STK39: variants seen among roughly 807,000 people sequenced by gnomAD.
STK39 encodes serine/threonine kinase 39.
Under a neutral mutation model 77.8 loss-of-function variants are expected in STK39, and 20 were observed. That is an observed-to-expected ratio of 0.26 (90% CI 0.18 to 0.37). The LOEUF is 0.37. Ranked by LOEUF, STK39 falls within the 10% of genes least tolerant of loss-of-function variation. STK39 has a pLI of 1.00. For missense variants in STK39, 479 were observed against 656.5 expected (o/e 0.73, Z 2.95); for synonymous variants, 246 against 234.1 (o/e 1.05, Z -0.47).
chr2:168,015,008 C>T (rs968674081), intron 15 of STK39, among the ~76,000 whole-genome samples: 1 of 152,118 alleles, frequency 6.6e-6, no homozygotes, highest in African/African-American at 2.4e-5. Context: ...CTGGCTGATC[C>T]AAATGGGAAA....
At chr2:168,120,300 C>T (rs771449968) in intron 10 of STK39, among the ~76,000 whole-genome samples, 17 of 152,326 alleles carry the variant, frequency 1.1e-4, no homozygotes, top group South Asian at 2.1e-4. Context: ...CAATAAATAT[C>T]GTTTTTCTCT....
intron 14 of STK39, among the ~76,000 whole-genome samples, chr2:168,043,981 T>A (rs1393365993): frequency 2.0e-5 from 3 of 152,236 alleles, no homozygotes; most frequent in Non-Finnish European, 2.9e-5. Flanking sequence ...AGGATTTAGC[T>A]AGAGGAAAGC....
chr2:168,024,287 C>T (rs754771559), intron 14 of STK39, among the ~76,000 whole-genome samples: 4 of 152,178 alleles, frequency 2.6e-5, no homozygotes, highest in African/African-American at 9.7e-5. Flanking sequence ...GAGTTCAAAA[C>T]CACAAACTAC....
chr2:168,106,161 C>G (rs577214600), intron 10 of STK39, among the ~76,000 whole-genome samples: 1 of 152,220 alleles, frequency 6.6e-6, no homozygotes, highest in African/African-American at 2.4e-5. Context: ...AGTAATGATA[C>G]TCAGTCAGGA....
intron 8 of STK39, among the ~76,000 whole-genome samples, chr2:168,136,166 A>C (rs1321540617): frequency 2.0e-5 from 3 of 152,008 alleles, no homozygotes; most frequent in Admixed American, 6.5e-5. Context: ...CAGGAGATCG[A>C]GATCATCTTG....
At chr2:168,144,480 A>G (rs950526146) in intron 5 of STK39, among the ~76,000 whole-genome samples, 1 of 151,446 alleles carries the variant, frequency 6.6e-6, no homozygotes, top group African/African-American at 2.4e-5. Flanking sequence ...ATTTATTTTT[A>G]TTTTTTGTAG....
chr2:167,966,071 C>T (rs1389793598), intron 16 of STK39, among the ~76,000 whole-genome samples: 2 of 152,106 alleles, frequency 1.3e-5, no homozygotes, highest in Non-Finnish European at 2.9e-5. Context: ...GAGTGATCTG[C>T]AGTTTCATTT....
rs887214895 is a variant in STK39 at position 168,138,776 on chromosome 2, G to A, written c.841-555C>T. On this transcript the variant is annotated intron_variant, in intron 7 of 17. Transcript: ENST00000355999. ...AAGCTGAGAGAGCAGGACACTGAAGGATAGCCAGAATATAACTGAGTTGCT... is the reference window on the plus strand; with the variant it reads ...AAGCTGAGAGAGCAGGACACTGAAGAATAGCCAGAATATAACTGAGTTGCT... 3.3e-5 allele frequency among the ~76,000 whole-genome samples: 5 copies of A among 152,216 alleles called. No individual in the cohort carries two copies. The South Asian group carries it at 1.0e-3, about 31-fold the overall frequency.
Position 168,138,226 on chromosome 2 carries a change from A to C in STK39, c.841-5T>G. 1.2e-6 allele frequency: 2 copies of C among 1,609,820 alleles called. No homozygotes were observed. Among genetic ancestry groups the C allele is most frequent in the Non-Finnish European group, 1.7e-6 (2 of 1,177,810 alleles). On this transcript the variant is annotated splice_polypyrimidine_tract_variant and splice_region_variant and intron_variant, in intron 7 of 17. Transcript: ENST00000355999. ...TTGCAAAGTCAACATTAACACCTGC[A>C]GCAGAAACAAACATGAAGACAGAAT...
chr2:168,216,296 C>T (rs930764307), intron 1 of STK39, among the ~76,000 whole-genome samples: 2 of 152,174 alleles, frequency 1.3e-5, no homozygotes, highest in Non-Finnish European at 2.9e-5. Context: ...AGAGAAGGTA[C>T]GTCCTCACTC....
intron 15 of STK39, among the ~76,000 whole-genome samples, chr2:168,015,623 A>G (rs1057434109): frequency 2.6e-5 from 4 of 152,154 alleles, no homozygotes; most frequent in African/African-American, 9.7e-5. Flanking sequence ...GCTCATATTC[A>G]CTTCTTTGTT....
At chr2:167,996,737 C>T (rs937479276) in intron 16 of STK39, among the ~76,000 whole-genome samples, 3 of 151,946 alleles carry the variant, frequency 2.0e-5, no homozygotes, top group African/African-American at 7.3e-5. Context: ...TGTAGACTCC[C>T]CCTGAAACTG....
chr2:168,145,927 G>A (rs1688126133), intron 5 of STK39, among the ~76,000 whole-genome samples: 1 of 152,206 alleles, frequency 6.6e-6, no homozygotes, highest in Admixed American at 6.5e-5. Flanking sequence ...TATGATACAT[G>A]TTAGAAATGG....
intron 2 of STK39, among the ~76,000 whole-genome samples, chr2:168,169,664 C>A (rs1355478093): frequency 5.9e-5 from 6 of 101,904 alleles, no homozygotes; most frequent in Non-Finnish European, 1.1e-4. Flanking sequence ...GTGTGTGTAA[C>A]TCCTTTAGAA....
chr2:168,106,436 TCTC>T lies in STK39; in HGVS notation c.1089+23102_1089+23104del, dbSNP rs771167298. Among the ~76,000 whole-genome samples the T allele has an allele frequency of 2.0e-4, 31 of 152,166 alleles. No individual in the cohort carries two copies. In the East Asian group the frequency reaches 3.3e-3, roughly 16 times the overall value. ...TGTTATAGCTATTATTCATACCTCT[TCTC>T]CTATTGGCTATATATACATATATTA... On this transcript the variant is annotated intron_variant, in intron 10 of 17. Coordinates refer to ENST00000355999, the MANE Select transcript of STK39 (RefSeq NM_013233.3).
intron 10 of STK39, among the ~76,000 whole-genome samples, chr2:168,115,584 T>C (rs780805743): frequency 6.6e-6 from 1 of 152,234 alleles, no homozygotes; most frequent in African/African-American, 2.4e-5. Context: ...TGATTCTTAA[T>C]TATAGTCATT....
chr2:168,085,006 A>G (rs1043269703), intron 10 of STK39, among the ~76,000 whole-genome samples: 1 of 152,184 alleles, frequency 6.6e-6, no homozygotes, highest in Non-Finnish European at 1.5e-5. Context: ...CTCACAGGGA[A>G]CCCATGGTAG....
chr2:168,185,189 C>T (rs1689177252), intron 1 of STK39, among the ~76,000 whole-genome samples: 1 of 152,170 alleles, frequency 6.6e-6, no homozygotes, highest in Admixed American at 6.5e-5. Flanking sequence ...GTATCATGCA[C>T]CCCTTTTGGA....
intron 3 of STK39, among the ~76,000 whole-genome samples, chr2:168,164,413 C>CT (rs1436176087): frequency 6.6e-6 from 1 of 151,946 alleles, no homozygotes; most frequent in Non-Finnish European, 1.5e-5. Flanking sequence ...CCTTCTTTTT[C>CT]TTTTTTTATT....
Sources: allele counts gnomAD v4.1 joint callset (sites outside exome capture counted in the v4.1 genomes callset), GRCh38; gene constraint gnomAD v4.1.1; transcripts MANE v1.5; gene names NCBI Gene and HGNC (gene_info 2026-07-23, HGNC 2026-07-21).